Variants in CCNJ observed in about 807,000 individuals in gnomAD.
CCNJ encodes cyclin-J.
In CCNJ, 12 loss-of-function variants were observed where a neutral mutation model predicts 41.4. That is an observed-to-expected ratio of 0.29 (90% CI 0.19 to 0.47). The LOEUF (loss-of-function observed/expected upper bound fraction) is 0.47. Ranked by LOEUF, CCNJ falls within the 20% of genes least tolerant of loss-of-function variation. CCNJ has a pLI of 1.00. For synonymous variants in CCNJ, 161 were observed against 173.4 expected, an observed-to-expected ratio of 0.93 and a Z score of 0.56; for missense variants, 340 against 464.6, an observed-to-expected ratio of 0.73 and a Z score of 2.47.
intron 3 of CCNJ, among the ~76,000 whole-genome samples, chr10:96,053,337 C>G (rs992455397): frequency 3.9e-5 from 6 of 152,110 alleles, no homozygotes; most frequent in Non-Finnish European, 7.4e-5. Flanking sequence ...AGATACCTTA[C>G]AAAGTTGTTC....
intron 3 of CCNJ, among the ~76,000 whole-genome samples, chr10:96,053,919 TAGTG>T (rs2080603283): frequency 6.6e-6 from 1 of 152,196 alleles, no homozygotes. Context: ...TGATAATTCT[TAGTG>T]TATGTTAGGG....
chr10:96,058,452 A>C lies in CCNJ; in HGVS notation c.*211A>C. 1.9e-6 allele frequency: 1 copy of C among 528,608 alleles called. No homozygotes were observed. 32.7% of individuals were successfully genotyped at this position (528,608 alleles called of 1,614,324 possible). On this transcript the variant is annotated 3_prime_UTR_variant, in exon 6 of 6. Coordinates refer to ENST00000465148, the MANE Select transcript of CCNJ (RefSeq NM_001134375.2). ...CAGTATGTCAAATTCTGTTACAACA[A>C]ATCCCTGTATGACAAAAATGTTCAA... is the stretch of plus-strand genomic sequence containing the variant.
In CCNJ at chr10:96,044,369, C is replaced by CG. The variant is rs1172912982; in HGVS notation, c.-22dup. 1 of 1,503,186 alleles carries CG rather than the reference C, an allele frequency of 6.7e-7. No individual in the cohort carries two copies. Among genetic ancestry groups the CG allele is most frequent in the East Asian group, 2.5e-5 (1 of 39,400 alleles). 93.1% of individuals were successfully genotyped at this position (1,503,186 alleles called of 1,614,324 possible). On this transcript the variant is annotated 5_prime_UTR_variant, in exon 2 of 6. Coordinates refer to ENST00000465148, the MANE Select transcript of CCNJ (RefSeq NM_001134375.2). ...GTCTTACAGACTCGAGTTGCCGCGT[C>CG]GGGCTGGGCGCGCCGCCGGGTCCCA...
At chr10:96,053,796 T>G (rs934150441) in intron 3 of CCNJ, among the ~76,000 whole-genome samples, 17 of 152,206 alleles carry the variant, frequency 1.1e-4, no homozygotes, top group African/African-American at 3.4e-4. Flanking sequence ...AATTTATATC[T>G]CACAGTTGGT....
chr10:96,058,495 A>G lies in CCNJ; in HGVS notation c.*254A>G. The G allele has an allele frequency of 2.0e-6, 1 of 503,792 alleles. No individual in the cohort carries two copies. Among genetic ancestry groups the G allele is most frequent in the Non-Finnish European group, 3.5e-6 (1 of 285,786 alleles). The allele number at this position is 503,792 out of a possible 1,614,324, so 31.2% of individuals were successfully genotyped here. A position where few individuals can be genotyped will look rare whatever the true frequency, so the allele number is the denominator to read the frequency against. On this transcript the variant is annotated 3_prime_UTR_variant, in exon 6 of 6. Coordinates refer to ENST00000465148, the MANE Select transcript of CCNJ (RefSeq NM_001134375.2). The stretch of plus-strand genomic sequence containing the variant: ...ATGTTCAAGTCCTGGCTGATGGTCC[A>G]AATATTTCAAAAATATTCAGTACAA...
chr10:96,051,596 C>T (rs891488893), intron 3 of CCNJ, among the ~76,000 whole-genome samples: 1 of 152,100 alleles, frequency 6.6e-6, no homozygotes, highest in Admixed American at 6.6e-5. Context: ...CTAACTCTCC[C>T]TTGAGGTTTT....
chr10:96,049,689 T>C (rs1243546203), intron 2 of CCNJ, among the ~76,000 whole-genome samples: 1 of 152,052 alleles, frequency 6.6e-6, no homozygotes, highest in Non-Finnish European at 1.5e-5. Flanking sequence ...CAAGTTGATA[T>C]AATATAGTCC....
rs1429789399 is a variant in CCNJ, at chr10:96,058,746, C to T, written c.*505C>T. 2.7e-6 allele frequency: 1 copy of T among 368,124 alleles called. No individual in the cohort carries two copies. Among genetic ancestry groups the T allele is most frequent in the Non-Finnish European group, 4.8e-6 (1 of 207,668 alleles). The allele number at this position is 368,124 out of a possible 1,614,324, so 22.8% of individuals were successfully genotyped here. ...ACATGAATTTTTGACTAAGTTTAAA[C>T]TCATGAATTGTTATGCTATACCAAT... On this transcript the variant is annotated 3_prime_UTR_variant, in exon 6 of 6. Coordinates refer to ENST00000465148, the MANE Select transcript of CCNJ (RefSeq NM_001134375.2).
intron 2 of CCNJ, among the ~76,000 whole-genome samples, chr10:96,048,879 C>T (rs1427507310): frequency 1.3e-5 from 2 of 152,160 alleles, no homozygotes; most frequent in Non-Finnish European, 2.9e-5. Context: ...CTGTTTTGAA[C>T]ATGTGTGTAC....
chr10:96,050,572 T>G, intron 3 of CCNJ, 106 bp downstream of exon 3: 1 of 784,708 alleles, frequency 1.3e-6, no homozygotes, highest in Non-Finnish European at 2.1e-6. Context: ...TTCATTCCAG[T>G]TCACTAGTAT....
chr10:96,050,021 A>G (rs2080479042), intron 2 of CCNJ, among the ~76,000 whole-genome samples: 1 of 152,174 alleles, frequency 6.6e-6, no homozygotes, highest in Non-Finnish European at 1.5e-5. Context: ...AAAGCAAGAA[A>G]CAAGAACATC....
At chr10:96,044,075 C>G (rs999048565) in intron 1 of CCNJ, among the ~76,000 whole-genome samples, 1 of 152,228 alleles carries the variant, frequency 6.6e-6, no homozygotes, top group African/African-American at 2.4e-5. Context: ...GAGCTCGCAC[C>G]TGGCTCCGCG....
upstream of CCNJ, chr10:96,043,455 G>GGGCCC (rs545515794): frequency 6.5e-4 from 250 of 383,212 alleles, 8 homozygotes; most frequent in South Asian, 0.019. Flanking sequence ...CGCTGCACCT[G>GGGCCC]GGCCCGGCCC....
chr10:96,058,193 T>C lies in CCNJ; in HGVS notation c.1104T>C (p.Tyr368=), dbSNP rs1179734698. 3.7e-6 allele frequency: 6 copies of C among 1,614,154 alleles called. No homozygotes were observed. Among genetic ancestry groups the C allele is most frequent in the Non-Finnish European group, 4.2e-6 (5 of 1,179,994 alleles). ...TGAGTGTTTCTTACAACCGGAGTTA[T>C]CAGATAAATGAACATTACCCTTGTA... ...PCLSVSYNRS[Y]QINEHYPCIT... Residue 368 remains tyrosine, a synonymous_variant, in exon 6 of 6, where the codon TAT becomes TAC. Coordinates refer to ENST00000465148, the MANE Select transcript of CCNJ (RefSeq NM_001134375.2).
intron 2 of CCNJ, among the ~76,000 whole-genome samples, chr10:96,049,487 T>G (rs958346523): frequency 6.7e-6 from 1 of 148,378 alleles, no homozygotes; most frequent in Non-Finnish European, 1.5e-5. Context: ...TTTTCTTTTT[T>G]TTTTTTTTTT....
In CCNJ at chr10:96,045,682, C is replaced by CTT. The variant is rs34579425; in HGVS notation, c.69+1231_69+1232dup. Among the ~76,000 whole-genome samples, 88 of 143,856 alleles carry CTT rather than the reference C, an allele frequency of 6.1e-4. 1 individual carries two copies. Among genetic ancestry groups the CTT allele is most frequent in the Middle Eastern group, 3.6e-3 (1 of 280 alleles). 94.4% of individuals were successfully genotyped at this position (143,856 alleles called of 152,430 possible). ...AAAATTGTCCAGATACACTTTTGATCTTTTTTTTTTTTGGCAGATGTCATC... is the reference window on the plus strand; with the variant it reads ...AAAATTGTCCAGATACACTTTTGATCTTTTTTTTTTTTTTGGCAGATGTCATC... On this transcript the variant is annotated intron_variant, in intron 2 of 5. Transcript: ENST00000465148.
intron 2 of CCNJ, among the ~76,000 whole-genome samples, chr10:96,046,360 T>C (rs1439276059): frequency 6.6e-6 from 1 of 152,242 alleles, no homozygotes; most frequent in Non-Finnish European, 1.5e-5. Flanking sequence ...AAACTTAAAC[T>C]TGTGGAACTG....
In CCNJ at chr10:96,052,446, T is replaced by C. The variant is rs117886545; in HGVS notation, c.280+1980T>C. Among the ~76,000 whole-genome samples the C allele has an allele frequency of 1.7e-3, 253 of 152,360 alleles. 7 individuals are homozygous for C. In the East Asian group the frequency reaches 0.044, roughly 27 times the overall value. ...AGTAACTGTGTGGCTATCACTGTCA[T>C]TTTAACACTAGCACCTGCTCTATGC... On this transcript the variant is annotated intron_variant, in intron 3 of 5. Transcript: ENST00000465148.
At chr10:96,050,511 A>G (rs1434034289) in intron 3 of CCNJ, 45 bp downstream of exon 3, 8 of 1,353,784 alleles carry the variant, frequency 5.9e-6, no homozygotes, top group Non-Finnish European at 8.4e-6. Flanking sequence ...TCTGATGTTT[A>G]TATAATAAAA....
Sources: allele counts gnomAD v4.1 joint callset (sites outside exome capture counted in the v4.1 genomes callset), GRCh38; gene constraint gnomAD v4.1.1; transcripts MANE v1.5; gene names NCBI Gene and HGNC (gene_info 2026-07-23, HGNC 2026-07-21).